KCNT2: variants seen among roughly 807,000 people sequenced by gnomAD.
KCNT2 encodes potassium channel subfamily T member 2.
In KCNT2, 67 loss-of-function variants were observed where a neutral mutation model predicts 153.8. The observed-to-expected ratio is 0.44, with a 90% CI of 0.36 to 0.53. KCNT2 has a LOEUF of 0.53. Among genes scored for constraint, KCNT2 ranks in the 20% least tolerant of loss-of-function variants. The probability of loss-of-function intolerance (pLI) is 0.00; values close to 1 mark genes in which losing one functional copy is unlikely to be tolerated. For synonymous variants in KCNT2, 500 were observed against 458.8 expected (o/e 1.09, Z -1.15); for missense variants, 975 against 1,354.8 (o/e 0.72, Z 4.40).
chr1:196,319,460 T>C, intron 20 of KCNT2, 24 bp downstream of exon 20: 1 of 1,560,488 alleles, frequency 6.4e-7, no homozygotes, highest in South Asian at 1.1e-5. Context: ...CACTAGTTAG[T>C]GTGCCAAAGA....
intron 12 of KCNT2, among the ~76,000 whole-genome samples, chr1:196,418,671 C>G (rs553928159): frequency 2.0e-5 from 3 of 152,188 alleles, no homozygotes; most frequent in African/African-American, 7.2e-5. Flanking sequence ...ATCCTATCAT[C>G]TTATTCTCCT....
intron 12 of KCNT2, among the ~76,000 whole-genome samples, chr1:196,399,111 G>A (rs1671199939): frequency 1.3e-5 from 2 of 150,822 alleles, no homozygotes; most frequent in African/African-American, 4.9e-5. Flanking sequence ...GTGTGTGTGT[G>A]TGTCTGTGTG....
At chr1:196,397,819 T>C (rs1365386942) in intron 13 of KCNT2, among the ~76,000 whole-genome samples, 1 of 151,506 alleles carries the variant, frequency 6.6e-6, no homozygotes, top group Non-Finnish European at 1.5e-5. Flanking sequence ...TAAAATGTAT[T>C]ACATTTTAAT....
At chr1:196,542,494 T>C (rs1656512968) in intron 1 of KCNT2, among the ~76,000 whole-genome samples, 1 of 152,100 alleles carries the variant, frequency 6.6e-6, no homozygotes, top group African/African-American at 2.4e-5. Context: ...TGAAAGTGGC[T>C]GGAGGAAAAG....
At chr1:196,274,554 A>G (rs1451401393) in intron 25 of KCNT2, among the ~76,000 whole-genome samples, 1 of 151,736 alleles carries the variant, frequency 6.6e-6, no homozygotes, top group Non-Finnish European at 1.5e-5. Flanking sequence ...GAGATTTTAT[A>G]ATAGGTAAAT....
intron 8 of KCNT2, among the ~76,000 whole-genome samples, chr1:196,451,221 T>A (rs1321091827): frequency 4.3e-5 from 5 of 116,004 alleles, no homozygotes; most frequent in African/African-American, 2.8e-4. Flanking sequence ...CTCTTTCTTT[T>A]TTTTTTTTTT....
intron 14 of KCNT2, among the ~76,000 whole-genome samples, chr1:196,343,754 GTT>G (rs1408812248): frequency 6.6e-6 from 1 of 151,206 alleles, no homozygotes; most frequent in East Asian, 1.9e-4. Context: ...ATCGTGTTTT[GTT>G]TTGTTTTGTT....
intron 1 of KCNT2, among the ~76,000 whole-genome samples, chr1:196,529,356 C>A (rs1179207755): frequency 6.6e-6 from 1 of 152,110 alleles, no homozygotes. Flanking sequence ...TTGTTTTCAT[C>A]ATTTCGACCC....
chr1:196,540,267 A>T (rs1247189066), intron 1 of KCNT2, among the ~76,000 whole-genome samples: 3 of 152,198 alleles, frequency 2.0e-5, no homozygotes, highest in African/African-American at 4.8e-5. Context: ...CTGATGCATC[A>T]TCAAATGTTC....
At position 196,422,844 on chromosome 1, in the gene KCNT2, T is replaced by C. The variant is rs546985921; in HGVS notation, c.1185+206A>G. ...GATCAACAGATTATGAGAATATTCA[T>C]AGAAACTATTTGAAAAACACTTTTG... On this transcript the variant is annotated intron_variant, in intron 12 of 27. Transcript: ENST00000294725. 9.9e-5 allele frequency among the ~76,000 whole-genome samples: 15 copies of C among 152,118 alleles called. No individual in the cohort carries two copies. In the East Asian group the frequency reaches 2.5e-3, roughly 26 times the overall value.
chr1:196,354,597 T>G (rs1667022193), intron 14 of KCNT2, among the ~76,000 whole-genome samples: 1 of 151,754 alleles, frequency 6.6e-6, no homozygotes, highest in Non-Finnish European at 1.5e-5. Flanking sequence ...AAGAATTTCA[T>G]TCCAGTTTGT....
chr1:196,438,159 A>G (rs953025613), intron 8 of KCNT2, among the ~76,000 whole-genome samples: 1 of 151,768 alleles, frequency 6.6e-6, no homozygotes, highest in African/African-American at 2.4e-5. Context: ...ATTCAGTAGT[A>G]ATTTTGTTAT....
At chr1:196,550,117 CT>C (rs2148895036) in intron 1 of KCNT2, among the ~76,000 whole-genome samples, 1 of 151,950 alleles carries the variant, frequency 6.6e-6, no homozygotes, top group South Asian at 2.1e-4. Flanking sequence ...TTTTTGATAC[CT>C]TACATTTTTT....
intron 1 of KCNT2, among the ~76,000 whole-genome samples, chr1:196,531,484 C>G (rs992700222): frequency 2.0e-5 from 3 of 152,042 alleles, no homozygotes; most frequent in Non-Finnish European, 4.4e-5. Context: ...ACGGCTCCTA[C>G]TTTCTATTAT....
intron 11 of KCNT2, among the ~76,000 whole-genome samples, chr1:196,424,985 C>T (rs1482135764): frequency 1.3e-5 from 2 of 151,738 alleles, no homozygotes; most frequent in South Asian, 2.1e-4. Context: ...GTATAAAGCA[C>T]TTATGCTATT....
At chr1:196,283,881 C>T (rs905490275) in intron 23 of KCNT2, among the ~76,000 whole-genome samples, 4 of 151,956 alleles carry the variant, frequency 2.6e-5, no homozygotes, top group African/African-American at 9.6e-5. Flanking sequence ...TACACATCTA[C>T]ACACACACAA....
chr1:196,425,504 G>A (rs572858235), intron 11 of KCNT2, among the ~76,000 whole-genome samples: 98 of 151,964 alleles, frequency 6.4e-4, no homozygotes, highest in Admixed American at 1.5e-3. Flanking sequence ...GATAAAAACA[G>A]TATTCGGGGA....
chr1:196,288,909 G>C (rs141852105), intron 22 of KCNT2, among the ~76,000 whole-genome samples: 35 of 152,140 alleles, frequency 2.3e-4, no homozygotes, highest in African/African-American at 7.9e-4. Flanking sequence ...ACATACAATA[G>C]TTTCAGTCAA....
At chr1:196,468,961 A>G (rs1557975804) in intron 6 of KCNT2, 33 bp downstream of exon 6, 4 of 1,293,932 alleles carry the variant, frequency 3.1e-6, no homozygotes, top group Admixed American at 3.6e-5. Context: ...TCTAATTACA[A>G]AAGTGTTTTT....
Sources: gnomAD v4.1 joint callset for allele counts (sites outside exome capture counted in the v4.1 genomes callset) on GRCh38, gnomAD v4.1.1 for gene constraint, MANE v1.5 for transcripts, NCBI Gene and HGNC (gene_info 2026-07-23, HGNC 2026-07-21) for gene names.